The following RAB35 variants were observed in gnomAD, a reference collection of about 807,000 sequenced individuals.
RAB35 encodes the protein ras-related protein Rab-35.
A neutral mutation model predicts 28.9 loss-of-function variants in RAB35; 4 were observed. The ratio of observed to expected loss-of-function variants is 0.14; its 90% confidence interval spans 0.07 to 0.32. The LOEUF (loss-of-function observed/expected upper bound fraction) is 0.32, where lower values mean the gene tolerates loss of function less well. Among genes scored for constraint, RAB35 ranks in the 10% least tolerant of loss-of-function variants. The pLI, the probability that RAB35 is intolerant of heterozygous loss-of-function variation, is 1.00. For missense variants in RAB35, 128 were observed against 274.0 expected (o/e 0.47, Z 3.76); for synonymous variants, 99 against 105.1 (o/e 0.94, Z 0.35).
Position 120,103,712 on chromosome 12 carries a change from C to T in RAB35, c.227+114G>A, listed in dbSNP as rs1425728028. On this transcript the variant is annotated intron_variant, in intron 3 of 5. Coordinates refer to ENST00000229340, the MANE Select transcript of RAB35 (RefSeq NM_006861.7). This position sits in a 1 kb window ranked among gnomAD's most constrained non-coding sequence, Gnocchi z 6.1. ...CTACAGCCAACAACAGGCTCACTTC[C>T]CGACAGCCTCAGGGACCCACCAGTG... 24 of 1,471,678 alleles carry T rather than the reference C, an allele frequency of 1.6e-5. No homozygotes were observed. Among genetic ancestry groups the T allele is most frequent in the Non-Finnish European group, 2.2e-5 (24 of 1,086,930 alleles). The allele number at this position is 1,471,678 out of a possible 1,614,324, so 91.2% of individuals were successfully genotyped here. A position where few individuals can be genotyped will look rare whatever the true frequency, so the allele number is the denominator to read the frequency against.
chr12:120,096,924 G>C lies in RAB35; in HGVS notation c.*321C>G, dbSNP rs758363012. On this transcript the variant is annotated 3_prime_UTR_variant, in exon 6 of 6. Transcript: ENST00000229340. ...AAGAAGGCAAAAGCCAGAGCAGGAC[G>C]TGGTGTGCGGCCGGGTAGAGCAATA... 21 of 1,343,654 alleles carry C rather than the reference G, an allele frequency of 1.6e-5. No homozygotes were observed. Among genetic ancestry groups the C allele is most frequent in the Non-Finnish European group, 2.0e-5 (20 of 1,024,624 alleles). 83.2% of individuals were successfully genotyped at this position (1,343,654 alleles called of 1,614,324 possible).
Position 120,097,041 on chromosome 12 carries a change from G to C in RAB35, c.*204C>G, listed in dbSNP as rs754814011. Reference sequence around the variant, plus strand: ...CTTGGCCGGGGAGGAGGGGGCACCAGTAGGGAAGGGCGGGCTGGTCCAACA... The same window carrying C: ...CTTGGCCGGGGAGGAGGGGGCACCACTAGGGAAGGGCGGGCTGGTCCAACA... On this transcript the variant is annotated 3_prime_UTR_variant, in exon 6 of 6. Transcript: ENST00000229340. The C allele has an allele frequency of 1.3e-6, 2 of 1,523,626 alleles. No individual in the cohort carries two copies. Among genetic ancestry groups the C allele is most frequent in the South Asian group, 1.2e-5 (1 of 83,576 alleles). 94.4% of individuals were successfully genotyped at this position (1,523,626 alleles called of 1,614,324 possible).
At chr12:120,100,849 G>A (rs977719472) in intron 3 of RAB35, among the ~76,000 whole-genome samples, 3 of 152,220 alleles carry the variant, frequency 2.0e-5, no homozygotes, top group Non-Finnish European at 4.4e-5. Context: ...ACATGGCATG[G>A]TGTGTCAGAC....
chr12:120,103,324 A>G lies in RAB35; in HGVS notation c.227+502T>C, dbSNP rs1226847710. Among the ~76,000 whole-genome samples the G allele has an allele frequency of 6.6e-6, 1 of 152,216 alleles. No homozygotes were observed. Among genetic ancestry groups the G allele is most frequent in the Non-Finnish European group, 1.5e-5 (1 of 68,036 alleles). On this transcript the variant is annotated intron_variant, in intron 3 of 5. Transcript: ENST00000229340. This position sits in a 1 kb window ranked among gnomAD's most constrained non-coding sequence, Gnocchi z 6.1. ...ATTTCCCAGGAACAGCTTTAAGGGT[A>G]GGGAAGGGCCTGCTGACATGCACCG...
chr12:120,097,041 G>A lies in RAB35; in HGVS notation c.*204C>T. 2.0e-6 allele frequency: 3 copies of A among 1,523,626 alleles called. No homozygotes were observed. Among genetic ancestry groups the A allele is most frequent in the Non-Finnish European group, 2.6e-6 (3 of 1,139,038 alleles). The allele number at this position is 1,523,626 out of a possible 1,614,324, so 94.4% of individuals were successfully genotyped here. Reference sequence around the variant, plus strand: ...CTTGGCCGGGGAGGAGGGGGCACCAGTAGGGAAGGGCGGGCTGGTCCAACA... The same window carrying A: ...CTTGGCCGGGGAGGAGGGGGCACCAATAGGGAAGGGCGGGCTGGTCCAACA... On this transcript the variant is annotated 3_prime_UTR_variant, in exon 6 of 6. Transcript: ENST00000229340.
Position 120,099,167 on chromosome 12 carries a change from A to T in RAB35, c.228-13T>A, listed in dbSNP as rs2139048889. ...CCCCCGATAATACCTGCAGGGCCAGAGTGTGCGGCAGCATGTCAACCCCGA... is the reference window on the plus strand; with the variant it reads ...CCCCCGATAATACCTGCAGGGCCAGTGTGTGCGGCAGCATGTCAACCCCGA... On this transcript the variant is annotated splice_polypyrimidine_tract_variant and intron_variant, in intron 3 of 5. Coordinates refer to ENST00000229340, the MANE Select transcript of RAB35 (RefSeq NM_006861.7). The T allele has an allele frequency of 6.2e-7, 1 of 1,614,064 alleles. No individual in the cohort carries two copies. The highest frequency in any genetic ancestry group is 8.5e-7 in the Non-Finnish European group (1 of 1,179,992).
At chr12:120,110,089 C>T (rs959213595) in intron 1 of RAB35, among the ~76,000 whole-genome samples, 1 of 152,074 alleles carries the variant, frequency 6.6e-6, no homozygotes, top group East Asian at 1.9e-4. Context: ...CCGGACTCCT[C>T]CAGAGTGCTA....
intron 1 of RAB35, among the ~76,000 whole-genome samples, chr12:120,110,983 T>TGGG (rs534470932): frequency 0.011 from 1,716 of 152,356 alleles, 16 homozygotes; most frequent in Middle Eastern, 0.017. Context: ...CCTCCTCTGC[T>TGGG]TCCTCCTGGA....
chr12:120,098,878 T>C lies in RAB35; in HGVS notation c.410A>G (p.Lys137Arg), dbSNP rs758554651. 1.9e-6 allele frequency: 3 copies of C among 1,614,182 alleles called. No homozygotes were observed. The highest frequency in any genetic ancestry group is 2.5e-6 in the Non-Finnish European group (3 of 1,180,030). ...CTGGATGCCCATCTGCCCGGCGAAT[T>C]TGTAGGCATCTTCCGTCTCCACCAC... ...RKVVETEDAY[K>R]FAGQMGIQLF... The change falls in exon 5 of 6, where the codon AAA (lysine) becomes AGA (arginine). Residue 137 changes from lysine (K) to arginine (R), a missense_variant. Physicochemically the swap from Lys to Arg is conservative, Grantham distance 26. Coordinates refer to ENST00000229340, the MANE Select transcript of RAB35 (RefSeq NM_006861.7).
At chr12:120,100,893 G>C (rs757933475) in intron 3 of RAB35, among the ~76,000 whole-genome samples, 17 of 152,222 alleles carry the variant, frequency 1.1e-4, no homozygotes, top group Non-Finnish European at 2.2e-4. Flanking sequence ...GGAGCCACAG[G>C]AACAGGCGAC....
chr12:120,098,873 C>T lies in RAB35; in HGVS notation c.415G>A (p.Ala139Thr), dbSNP rs779170721. The T allele has an allele frequency of 5.6e-6, 9 of 1,614,102 alleles. No homozygotes were observed. The highest frequency in any genetic ancestry group is 2.2e-5 in the East Asian group (1 of 44,888). ...VVETEDAYKF[A>T]GQMGIQLFET... ...AACAACTGGATGCCCATCTGCCCGG[C>T]GAATTTGTAGGCATCTTCCGTCTCC... The change falls in exon 5 of 6, where the codon GCC becomes ACC. Residue 139 changes from alanine to threonine, a missense_variant. Transcript: ENST00000229340.
intron 1 of RAB35, among the ~76,000 whole-genome samples, chr12:120,112,274 G>A (rs907325978): frequency 6.6e-6 from 1 of 151,874 alleles, no homozygotes; most frequent in Non-Finnish European, 1.5e-5. Context: ...TACTGCTCCC[G>A]GCCTTTTACC....
intron 1 of RAB35, among the ~76,000 whole-genome samples, chr12:120,114,389 G>A (rs929782380): frequency 2.0e-5 from 3 of 152,226 alleles, no homozygotes; most frequent in African/African-American, 4.8e-5. Flanking sequence ...CACCGCGCCC[G>A]GCCTTAAGCC....
At chr12:120,108,696 C>T (rs1566286647) in intron 1 of RAB35, 1 of 665,476 alleles carries the variant, frequency 1.5e-6, no homozygotes, top group Non-Finnish European at 2.8e-6. Flanking sequence ...AAGCTGCTCC[C>T]AAATCCCCTG....
chr12:120,106,591 CTTTTT>C (rs10709764), intron 2 of RAB35, among the ~76,000 whole-genome samples: 1 of 102,738 alleles, frequency 9.7e-6, no homozygotes, highest in African/African-American at 3.7e-5. Context: ...CTTTCTTTTT[CTTTTT>C]TTTTTTTTTT....
rs1371734815 is a variant in RAB35 at position 120,096,693 on chromosome 12, A to G, written c.*552T>C. 1 of 1,289,878 alleles carries G rather than the reference A, an allele frequency of 7.8e-7. No homozygotes were observed. Among genetic ancestry groups the G allele is most frequent in the Admixed American group, 2.3e-5 (1 of 43,574 alleles). The allele number at this position is 1,289,878 out of a possible 1,614,324, so 79.9% of individuals were successfully genotyped here. Reference sequence around the variant, plus strand: ...AACGGGGAGGGAAGGGAGCTGGCACAGGCCCCGGAGAAGGGGCAAGACCCT... The same window carrying G: ...AACGGGGAGGGAAGGGAGCTGGCACGGGCCCCGGAGAAGGGGCAAGACCCT... On this transcript the variant is annotated 3_prime_UTR_variant, in exon 6 of 6. Coordinates refer to ENST00000229340, the MANE Select transcript of RAB35 (RefSeq NM_006861.7).
intron 1 of RAB35, among the ~76,000 whole-genome samples, chr12:120,111,060 G>A (rs531284768): frequency 2.0e-5 from 3 of 152,286 alleles, no homozygotes; most frequent in Non-Finnish European, 2.9e-5. Context: ...CAGAGCCCTC[G>A]CCTCACCCGC....
rs933918549 is a variant in RAB35, at chr12:120,103,606, C to T, written c.227+220G>A. ...ACATGGCCACTGTCCGGCCAGACTC[C>T]AGCCAGGGTGCTCAGCGACTCCCCC... On this transcript the variant is annotated intron_variant, in intron 3 of 5. Transcript: ENST00000229340. This position sits in a 1 kb window ranked among gnomAD's most constrained non-coding sequence, Gnocchi z 6.1. Among the ~76,000 whole-genome samples the T allele has an allele frequency of 6.6e-6, 1 of 152,218 alleles. No individual in the cohort carries two copies. The highest frequency in any genetic ancestry group is 1.5e-5 in the Non-Finnish European group (1 of 68,036).
In RAB35 at chr12:120,096,364, ATAAT is replaced by A. The variant is rs1875390150; in HGVS notation, c.*877_*880del. ...GCCAATCAAACCTCAGGGAAAGAAA[ATAAT>A]TGTGAGGAATTTAATTCACTTGATT... On this transcript the variant is annotated 3_prime_UTR_variant, in exon 6 of 6. Transcript: ENST00000229340. 1.7e-6 allele frequency: 2 copies of A among 1,205,802 alleles called. No homozygotes were observed. Among genetic ancestry groups the A allele is most frequent in the Non-Finnish European group, 2.1e-6 (2 of 934,758 alleles). 74.7% of individuals were successfully genotyped at this position (1,205,802 alleles called of 1,614,324 possible). A position where few individuals can be genotyped will look rare whatever the true frequency, so the allele number is the denominator to read the frequency against.
Sources: gnomAD v4.1 joint callset for allele counts (sites outside exome capture counted in the v4.1 genomes callset) on GRCh38, gnomAD v4.1.1 for gene constraint, Gnocchi (gnomAD v3.1) non-coding constraint, MANE v1.5 for transcripts, NCBI Gene and HGNC (gene_info 2026-07-23, HGNC 2026-07-21) for gene names.